Variants in FBLN7 observed in about 807,000 individuals in gnomAD.
The protein encoded by FBLN7 is fibulin-7.
In FBLN7, 31 loss-of-function variants were observed where a neutral mutation model predicts 44.0. The observed-to-expected ratio is 0.70, with a 90% CI of 0.53 to 0.95. FBLN7 has a LOEUF of 0.95. FBLN7 is among the 40% of genes least tolerant of loss of function. The pLI is 0.00. For missense variants in FBLN7, 573 were observed against 618.5 expected (o/e 0.93, Z 0.78); for synonymous variants, 262 against 253.4 (o/e 1.03, Z -0.32).
chr2:112,142,833 G>T (rs536982608), intron 1 of FBLN7, among the ~76,000 whole-genome samples: 1 of 152,018 alleles, frequency 6.6e-6, no homozygotes, highest in Admixed American at 6.5e-5. Context: ...CACCTTTTTT[G>T]CATTGGTACC....
At chr2:112,163,119 G>A (rs573260751) in intron 2 of FBLN7, among the ~76,000 whole-genome samples, 3 of 152,156 alleles carry the variant, frequency 2.0e-5, no homozygotes, top group Admixed American at 1.3e-4. Flanking sequence ...GAGCATCCTC[G>A]GAGGGTCCGG....
At chr2:112,233,157 T>C in the FBLN7 span, 1 of 676,062 alleles carries the variant, frequency 1.5e-6, no homozygotes, top group Non-Finnish European at 2.4e-6. Context: ...TTGGATAATA[T>C]CATTTTGGTA....
the FBLN7 span, among the ~76,000 whole-genome samples, chr2:112,207,372 C>T: frequency 6.7e-5 from 10 of 149,020 alleles, no homozygotes; most frequent in Admixed American, 2.7e-4. Flanking sequence ...GAGGCTGAAG[C>T]GGGAGAATTG....
At chr2:112,212,558 T>G in the FBLN7 span, 1 of 152,138 alleles carries the variant, frequency 6.6e-6, no homozygotes, top group Admixed American at 6.5e-5. Flanking sequence ...GCTTCAACAA[T>G]AATGAAAATA....
At chr2:112,163,197 C>A (rs1231025959) in intron 2 of FBLN7, among the ~76,000 whole-genome samples, 1 of 152,174 alleles carries the variant, frequency 6.6e-6, no homozygotes, top group Non-Finnish European at 1.5e-5. Flanking sequence ...GTGTCCGGCC[C>A]AGGTGGGATT....
intron 3 of FBLN7, among the ~76,000 whole-genome samples, chr2:112,171,203 G>A (rs767156728): frequency 5.3e-5 from 8 of 152,146 alleles, no homozygotes; most frequent in Non-Finnish European, 1.0e-4. Context: ...GTACCCAGTT[G>A]GGAGTTATTT....
At chr2:112,165,769 G>A (rs1682122036) in intron 3 of FBLN7, among the ~76,000 whole-genome samples, 1 of 152,218 alleles carries the variant, frequency 6.6e-6, no homozygotes, top group Admixed American at 6.5e-5. Flanking sequence ...AGAGTCCACT[G>A]TGTCGGGGAG....
At chr2:112,233,207 A>C in the FBLN7 span, 25 of 1,294,586 alleles carry the variant, frequency 1.9e-5, no homozygotes, top group East Asian at 3.3e-4. Flanking sequence ...TTGCACATTT[A>C]AAATGTTCAT....
chr2:112,214,112 A>T, the FBLN7 span: 1 of 151,852 alleles, frequency 6.6e-6, no homozygotes, highest in African/African-American at 2.4e-5. Context: ...TCGCCCAGCT[A>T]ATTTTTTGTA....
chr2:112,185,690 G>C (rs1683235557), intron 7 of FBLN7, among the ~76,000 whole-genome samples: 1 of 152,126 alleles, frequency 6.6e-6, no homozygotes, highest in African/African-American at 2.4e-5. Flanking sequence ...TAGCAGCCCA[G>C]GAGACAGGTA....
intron 1 of FBLN7, among the ~76,000 whole-genome samples, chr2:112,146,568 C>CT (rs758294715): frequency 0.022 from 2,635 of 120,186 alleles, 69 homozygotes; most frequent in African/African-American, 0.064. Context: ...ATTTTTGAAG[C>CT]TTTTTTTTTT....
chr2:112,224,914 C>T, the FBLN7 span, among the ~76,000 whole-genome samples: 15 of 152,288 alleles, frequency 9.8e-5, no homozygotes, highest in African/African-American at 3.1e-4. Context: ...CATGGTTATA[C>T]ACATGTCAAA....
At chr2:112,195,507 G>T in the FBLN7 span, among the ~76,000 whole-genome samples, 11 of 152,184 alleles carry the variant, frequency 7.2e-5, no homozygotes, top group Non-Finnish European at 2.9e-5. Context: ...CTCACCCCTT[G>T]CTGGGGCCCT....
chr2:112,138,560 G>T lies in FBLN7; in HGVS notation c.-96G>T. On this transcript the variant is annotated 5_prime_UTR_variant, in exon 1 of 8. Coordinates refer to ENST00000331203, the MANE Select transcript of FBLN7 (RefSeq NM_153214.3). ...CCGCCCCCCGGCCGCGCGGCGCCCC[G>T]CACCCTGCAGGGACGGCTGCCGCAT... The T allele has an allele frequency of 1.5e-6, 2 of 1,329,312 alleles. No individual in the cohort carries two copies. Among genetic ancestry groups the T allele is most frequent in the Non-Finnish European group, 2.0e-6 (2 of 982,348 alleles). The allele number at this position is 1,329,312 out of a possible 1,614,324, so 82.3% of individuals were successfully genotyped here.
intron 2 of FBLN7, among the ~76,000 whole-genome samples, chr2:112,160,722 G>GCACA (rs1558879813): frequency 9.4e-6 from 1 of 106,038 alleles, no homozygotes; most frequent in Non-Finnish European, 2.0e-5. Context: ...ACAAGCACGC[G>GCACA]CACACGCACG....
chr2:112,184,713 A>G (rs1335773820), intron 6 of FBLN7, among the ~76,000 whole-genome samples: 4 of 144,584 alleles, frequency 2.8e-5, no homozygotes, highest in East Asian at 4.0e-4. Context: ...TGAATATGGT[A>G]TATGTATATA....
chr2:112,232,580 G>T, the FBLN7 span, among the ~76,000 whole-genome samples: 11 of 152,126 alleles, frequency 7.2e-5, no homozygotes, highest in African/African-American at 1.9e-4. Context: ...CATTCCTTTG[G>T]GGGTGGAGGA....
At chr2:112,176,115 G>A in intron 4 of FBLN7, 1 of 267,798 alleles carries the variant, frequency 3.7e-6, no homozygotes, top group Middle Eastern at 1.1e-3. Flanking sequence ...CCTAGATTGG[G>A]AATGTGGCCC....
chr2:112,220,756 G>A, the FBLN7 span, among the ~76,000 whole-genome samples: 1 of 152,220 alleles, frequency 6.6e-6, no homozygotes, highest in Non-Finnish European at 1.5e-5. Context: ...GGGAGTCAGA[G>A]GTTGTGGTGA....
Sources: gnomAD v4.1 joint callset for allele counts (sites outside exome capture counted in the v4.1 genomes callset) on GRCh38, gnomAD v4.1.1 for gene constraint, MANE v1.5 for transcripts, NCBI Gene and HGNC (gene_info 2026-07-23, HGNC 2026-07-21) for gene names.